The following TRMT11 variants were observed in gnomAD, a reference collection of about 807,000 sequenced individuals.
TRMT11 encodes the protein tRNA (guanine(10)-N(2))-methyltransferase TRMT11.
A neutral mutation model predicts 62.8 loss-of-function variants in TRMT11; 53 were observed. The observed-to-expected ratio is 0.84, with a 90% confidence interval of 0.68 to 1.06. The LOEUF is 1.06. Ranked by LOEUF, TRMT11 falls within the 50% of genes least tolerant of loss-of-function variation. TRMT11 has a pLI of 0.00. For synonymous variants in TRMT11, 188 were observed against 190.3 expected, an observed-to-expected ratio of 0.99 and a Z score of 0.10; for missense variants, 556 against 553.4, an observed-to-expected ratio of 1.00 and a Z score of -0.05.
intron 11 of TRMT11, among the ~76,000 whole-genome samples, chr6:126,018,034 A>G (rs1048865966): frequency 2.0e-5 from 3 of 152,232 alleles, no homozygotes; most frequent in Admixed American, 6.5e-5. Flanking sequence ...TTTATAAATG[A>G]TGACCTTTAT....
At chr6:126,003,318 A>G (rs954204168) in intron 7 of TRMT11, among the ~76,000 whole-genome samples, 8 of 152,038 alleles carry the variant, frequency 5.3e-5, no homozygotes, top group African/African-American at 1.9e-4. Context: ...AGTGTATTTT[A>G]TGTACAGCCC....
intron 17 of TRMT11, among the ~76,000 whole-genome samples, chr6:126,088,505 A>G (rs1010772637): frequency 1.2e-4 from 19 of 152,234 alleles, no homozygotes; most frequent in African/African-American, 4.6e-4. Flanking sequence ...GCACTGGACT[A>G]TACCAACTGA....
At chr6:126,108,605 A>G (rs1191102530) in intron 17 of TRMT11, among the ~76,000 whole-genome samples, 1 of 152,228 alleles carries the variant, frequency 6.6e-6, no homozygotes, top group Non-Finnish European at 1.5e-5. Context: ...TTGCACCCCA[A>G]CAATCCACTC....
chr6:126,056,235 G>A (rs12664590), intron 17 of TRMT11, among the ~76,000 whole-genome samples: 2 of 152,176 alleles, frequency 1.3e-5, no homozygotes, highest in Non-Finnish European at 1.5e-5. Flanking sequence ...AGTTTATAAG[G>A]GTTATAAAGA....
At chr6:126,070,168 G>T (rs566227330) in intron 17 of TRMT11, among the ~76,000 whole-genome samples, 14 of 152,166 alleles carry the variant, frequency 9.2e-5, no homozygotes, top group Non-Finnish European at 1.6e-4. Context: ...CTTGAGGTGT[G>T]CTTCCCATCA....
chr6:126,180,947 CAA>C (rs1449004271), intron 1 of TRMT11, among the ~76,000 whole-genome samples: 2 of 152,158 alleles, frequency 1.3e-5, no homozygotes, highest in Non-Finnish European at 2.9e-5. Context: ...AATTTTAAAA[CAA>C]ATTATATTTT....
chr6:126,167,207 C>T (rs768551009), intron 21 of TRMT11, among the ~76,000 whole-genome samples: 3 of 152,114 alleles, frequency 2.0e-5, no homozygotes, highest in Admixed American at 6.5e-5. Context: ...CAAATGGCTG[C>T]CCAGTTTTGT....
In TRMT11 at chr6:126,116,798, A is replaced by C. The variant is rs1336646613; in HGVS notation, c.*1823+943A>C. ...ACAAACAGTTTTATACAAGCAATAC[A>C]TTAACCAATGAGCTGTAATGAGTAG... On this transcript the variant is annotated intron_variant and NMD_transcript_variant, in intron 21 of 22. Transcript: ENST00000648977. 5.9e-5 allele frequency among the ~76,000 whole-genome samples: 9 copies of C among 152,232 alleles called. No homozygotes were observed. In the East Asian group the frequency reaches 9.7e-4, roughly 16 times the overall value.
intron 21 of TRMT11, among the ~76,000 whole-genome samples, chr6:126,121,396 A>G (rs940966110): frequency 3.3e-5 from 5 of 152,156 alleles, no homozygotes; most frequent in African/African-American, 1.2e-4. Context: ...ACTATTAAGA[A>G]AACAAAAACA....
intron 17 of TRMT11, among the ~76,000 whole-genome samples, chr6:126,063,658 T>C (rs941742327): frequency 6.6e-6 from 1 of 152,232 alleles, no homozygotes; most frequent in African/African-American, 2.4e-5. Context: ...ATTCTCTGTT[T>C]CCATCATGCT....
the TRMT11 span, among the ~76,000 whole-genome samples, chr6:126,228,182 A>G: frequency 6.6e-6 from 1 of 152,296 alleles, no homozygotes; most frequent in East Asian, 1.9e-4. Context: ...GACCAAAACA[A>G]TGTATGTGTC....
chr6:126,248,142 G>A, the TRMT11 span, among the ~76,000 whole-genome samples: 73 of 152,130 alleles, frequency 4.8e-4, 1 homozygote, highest in Non-Finnish European at 8.5e-4. Flanking sequence ...GGACATTTTT[G>A]GGTATGTAAG....
intron 21 of TRMT11, among the ~76,000 whole-genome samples, chr6:126,148,445 G>T (rs1374347237): frequency 6.6e-6 from 1 of 152,120 alleles, no homozygotes; most frequent in Non-Finnish European, 1.5e-5. Flanking sequence ...AGGTTCCCCT[G>T]GTCACTGTAT....
chr6:126,195,053 G>T (rs1303483199), intron 1 of TRMT11, among the ~76,000 whole-genome samples: 1 of 152,132 alleles, frequency 6.6e-6, no homozygotes, highest in Non-Finnish European at 1.5e-5. Context: ...GAGTTTGAGG[G>T]TGCAATGAAC....
intron 5 of TRMT11, 24 bp from the exon 6 acceptor site, chr6:125,998,526 C>A: frequency 6.2e-7 from 1 of 1,602,392 alleles, no homozygotes; most frequent in East Asian, 2.2e-5. Context: ...TATAAGACAT[C>A]AGCATTTCTT....
intron 21 of TRMT11, among the ~76,000 whole-genome samples, chr6:126,142,086 G>A (rs1440689013): frequency 2.6e-5 from 4 of 151,992 alleles, no homozygotes; most frequent in African/African-American, 9.7e-5. Flanking sequence ...GTGTCACACA[G>A]CAATAAATGT....
chr6:126,240,023 G>T, the TRMT11 span, among the ~76,000 whole-genome samples: 1 of 151,990 alleles, frequency 6.6e-6, no homozygotes, highest in African/African-American at 2.4e-5. Flanking sequence ...TTGTGCATTT[G>T]TCACGTAGTT....
intron 21 of TRMT11, among the ~76,000 whole-genome samples, chr6:126,163,023 C>T (rs765221860): frequency 2.6e-5 from 4 of 152,042 alleles, no homozygotes; most frequent in Non-Finnish European, 5.9e-5. Flanking sequence ...ATTTTACTTC[C>T]TCTCTTCCTA....
intron 3 of TRMT11, among the ~76,000 whole-genome samples, chr6:125,996,717 C>T (rs186666590): frequency 3.3e-5 from 5 of 152,066 alleles, no homozygotes; most frequent in Non-Finnish European, 5.9e-5. Flanking sequence ...CTTTTTCTTC[C>T]TGAACATTTT....
Sources: allele counts gnomAD v4.1 joint callset (sites outside exome capture counted in the v4.1 genomes callset), GRCh38; gene constraint gnomAD v4.1.1; transcripts MANE v1.5; gene names NCBI Gene and HGNC (gene_info 2026-07-23, HGNC 2026-07-21).